The following CNTNAP2 variants were observed in gnomAD, a reference collection of about 807,000 sequenced individuals.
CNTNAP2 encodes contactin-associated protein-like 2.
A neutral mutation model predicts 155.2 loss-of-function variants in CNTNAP2; 98 were observed. The ratio of observed to expected loss-of-function variants is 0.63; its 90% CI spans 0.54 to 0.75. The LOEUF (loss-of-function observed/expected upper bound fraction) is 0.75. Among genes scored for constraint, CNTNAP2 ranks in the 30% least tolerant of loss-of-function variants. CNTNAP2 has a pLI of 0.00. For missense variants in CNTNAP2, 1,727 were observed against 1,688.1 expected (o/e 1.02, Z -0.40); for synonymous variants, 651 against 631.2 (o/e 1.03, Z -0.47).
At chr7:146,533,115 A>G in intron 1 of CNTNAP2, among the ~76,000 whole-genome samples, 1 of 145,460 alleles carries the variant, frequency 6.9e-6, no homozygotes. Context: ...CTCAAAAAAA[A>G]AAAAAAAAAA....
At chr7:147,896,763 T>C (rs982024352) in intron 13 of CNTNAP2, among the ~76,000 whole-genome samples, 2 of 152,164 alleles carry the variant, frequency 1.3e-5, no homozygotes, top group Admixed American at 1.3e-4. Context: ...CTCTTAACTA[T>C]AATTTCTAAT....
At chr7:147,177,636 T>C (rs1802376292) in intron 8 of CNTNAP2, among the ~76,000 whole-genome samples, 1 of 152,210 alleles carries the variant, frequency 6.6e-6, no homozygotes. Flanking sequence ...TTTCTCTTCA[T>C]TTAAAAATAT....
intron 9 of CNTNAP2, among the ~76,000 whole-genome samples, chr7:147,359,585 C>T (rs1584897901): frequency 6.6e-6 from 1 of 152,136 alleles, no homozygotes; most frequent in Non-Finnish European, 1.5e-5. Context: ...GTTTCTGACC[C>T]ACCCCATGCT....
chr7:147,775,151 AT>A (rs1797540210), intron 13 of CNTNAP2, among the ~76,000 whole-genome samples: 1 of 146,014 alleles, frequency 6.8e-6, no homozygotes, highest in Admixed American at 7.2e-5. Context: ...TATTTAACTG[AT>A]TTTTTTCACT....
chr7:146,964,236 T>G (rs1797611696), intron 3 of CNTNAP2, among the ~76,000 whole-genome samples: 1 of 152,202 alleles, frequency 6.6e-6, no homozygotes, highest in South Asian at 2.1e-4. Context: ...TAGTGAACAT[T>G]TGGAAAACAA....
intron 1 of CNTNAP2, among the ~76,000 whole-genome samples, chr7:146,371,003 A>C (rs1043671752): frequency 6.6e-6 from 1 of 152,142 alleles, no homozygotes; most frequent in Non-Finnish European, 1.5e-5. Context: ...ATGATAGCTA[A>C]GAATTTTTAA....
intron 3 of CNTNAP2, among the ~76,000 whole-genome samples, chr7:146,988,234 G>T (rs565073950): frequency 6.6e-6 from 1 of 152,054 alleles, no homozygotes; most frequent in African/African-American, 2.4e-5. Flanking sequence ...TTTTAATGTA[G>T]AATATAACAT....
At chr7:148,303,914 C>T (rs1797440837) in intron 21 of CNTNAP2, among the ~76,000 whole-genome samples, 1 of 152,148 alleles carries the variant, frequency 6.6e-6, no homozygotes, top group South Asian at 2.1e-4. Context: ...CCACTGCATC[C>T]TTTTAAGATA....
At chr7:147,788,655 A>G (rs1479295359) in intron 13 of CNTNAP2, among the ~76,000 whole-genome samples, 1 of 152,062 alleles carries the variant, frequency 6.6e-6, no homozygotes, top group Non-Finnish European at 1.5e-5. Context: ...TCCTGAGCTG[A>G]AGACTTGTAT....
At chr7:146,542,086 A>G (rs916219944) in intron 1 of CNTNAP2, among the ~76,000 whole-genome samples, 2 of 152,066 alleles carry the variant, frequency 1.3e-5, no homozygotes, top group Non-Finnish European at 2.9e-5. Context: ...TCGGCAAGCC[A>G]GGGAAAGTCA....
At position 148,354,879 on chromosome 7, in the gene CNTNAP2, G is replaced by A. The variant is rs561020928; in HGVS notation, c.3476-28770G>A. On this transcript the variant is annotated intron_variant, in intron 21 of 23. Transcript: ENST00000361727. ...AGCACACACCCCACCCTGGGCTCGT[G>A]GCGGGACTCTGGCTCTGGCCAACAT... Among the ~76,000 whole-genome samples the A allele has an allele frequency of 7.2e-5, 11 of 152,214 alleles. No individual in the cohort carries two copies. The East Asian group carries it at 1.7e-3, about 24-fold the overall frequency.
chr7:147,861,663 C>T (rs752938942), intron 13 of CNTNAP2, among the ~76,000 whole-genome samples: 19 of 152,176 alleles, frequency 1.2e-4, no homozygotes, highest in South Asian at 2.1e-4. Flanking sequence ...GAGAAGGCAA[C>T]GCTGGGACAC....
At chr7:148,370,288 C>T (rs1220857003) in intron 21 of CNTNAP2, among the ~76,000 whole-genome samples, 2 of 152,184 alleles carry the variant, frequency 1.3e-5, no homozygotes, top group Non-Finnish European at 2.9e-5. Context: ...ATCTTTGTGA[C>T]CTGACGTCTC....
intron 1 of CNTNAP2, among the ~76,000 whole-genome samples, chr7:146,569,009 A>ATTTAT (rs56914595): frequency 6.6e-6 from 1 of 150,896 alleles, no homozygotes; most frequent in African/African-American, 2.4e-5. Context: ...TTTATTTTTA[A>ATTTAT]TTATTTATTT....
Position 146,954,693 on chromosome 7 carries a change from ATG to A in CNTNAP2, c.403-89210_403-89209del, listed in dbSNP as rs570530028. On this transcript the variant is annotated intron_variant, in intron 3 of 23. Coordinates refer to ENST00000361727, the MANE Select transcript of CNTNAP2 (RefSeq NM_014141.6). ...ATTGATCAATATTTTCTTTTGTGAT[ATG>A]TGTTTTATTGCTCACAAGAAAAAAA... is the stretch of plus-strand genomic sequence containing the variant. Among the ~76,000 whole-genome samples, 8 of 151,512 alleles carry A rather than the reference ATG, an allele frequency of 5.3e-5. No individual in the cohort carries two copies. In the South Asian group the frequency reaches 1.7e-3, roughly 31 times the overall value.
At chr7:146,161,293 G>A (rs764111478) in intron 1 of CNTNAP2, among the ~76,000 whole-genome samples, 5 of 152,144 alleles carry the variant, frequency 3.3e-5, no homozygotes, top group Non-Finnish European at 5.9e-5. Flanking sequence ...ACTGGCACAA[G>A]GCAGCTATGC....
intron 3 of CNTNAP2, among the ~76,000 whole-genome samples, chr7:146,944,120 A>G (rs935011859): frequency 6.6e-6 from 1 of 151,790 alleles, no homozygotes; most frequent in African/African-American, 2.4e-5. Context: ...TTATGGTAGT[A>G]AATTATGAAA....
At chr7:146,536,214 T>A (rs921889494) in intron 1 of CNTNAP2, among the ~76,000 whole-genome samples, 2 of 152,142 alleles carry the variant, frequency 1.3e-5, no homozygotes, top group Admixed American at 1.3e-4. Flanking sequence ...CAATATTCAC[T>A]GGAATCTGTA....
Position 146,822,939 on chromosome 7 carries a change from A to G in CNTNAP2, c.209-16772A>G, listed in dbSNP as rs938480220. Among the ~76,000 whole-genome samples the G allele has an allele frequency of 7.3e-3, 905 of 124,296 alleles. 22 individuals carry two copies. The highest frequency in any genetic ancestry group is 0.027 in the African/African-American group (848 of 31,762). The allele number at this position is 124,296 out of a possible 152,430, so 81.5% of individuals were successfully genotyped here. ...AGCATATTTACATGGAAATATACTC[A>G]TTCTTCAGCATATTTACATGGAAAT... On this transcript the variant is annotated intron_variant, in intron 2 of 23. Transcript: ENST00000361727.
Sources: gnomAD v4.1 joint callset for allele counts (sites outside exome capture counted in the v4.1 genomes callset) on GRCh38, gnomAD v4.1.1 for gene constraint, MANE v1.5 for transcripts, NCBI Gene and HGNC (gene_info 2026-07-23, HGNC 2026-07-21) for gene names.